Variants in TRPC6 observed in about 807,000 individuals in gnomAD.
TRPC6 encodes short transient receptor potential channel 6.
A neutral mutation model predicts 90.7 loss-of-function variants in TRPC6; 55 were observed. That is an observed-to-expected ratio of 0.61 (90% CI 0.49 to 0.76). The LOEUF is 0.76. Ranked by LOEUF, TRPC6 falls within the 30% of genes least tolerant of loss-of-function variation. The probability of loss-of-function intolerance (pLI) is 0.00; values close to 1 mark genes in which losing one functional copy is unlikely to be tolerated. For missense variants in TRPC6, 989 were observed against 1,122.7 expected (o/e 0.88, Z 1.70); for synonymous variants, 393 against 393.0 (o/e 1.00, Z 0.00).
intron 1 of TRPC6, among the ~76,000 whole-genome samples, chr11:101,510,958 G>C (rs1160099500): frequency 6.6e-6 from 1 of 152,110 alleles, no homozygotes; most frequent in Non-Finnish European, 1.5e-5. Flanking sequence ...ATATTTTAAA[G>C]CGCAATTCTA....
intron 1 of TRPC6, 84 bp from the exon 2 acceptor site, chr11:101,504,882 T>C: frequency 7.4e-6 from 11 of 1,493,514 alleles, no homozygotes; most frequent in Non-Finnish European, 1.0e-5. Flanking sequence ...TCTAATACAA[T>C]CCTCAAGTAT....
chr11:101,489,239 T>A, intron 3 of TRPC6, 138 bp from the exon 4 acceptor site: 1 of 821,160 alleles, frequency 1.2e-6, no homozygotes, highest in South Asian at 1.6e-5. Context: ...AACATCAAAT[T>A]AACAGGCAAC....
intron 1 of TRPC6, among the ~76,000 whole-genome samples, chr11:101,525,899 G>A (rs1002478508): frequency 6.6e-6 from 1 of 152,214 alleles, no homozygotes; most frequent in Non-Finnish European, 1.5e-5. Flanking sequence ...AGGAGGCATC[G>A]CCAGCAGGAA....
intron 1 of TRPC6, among the ~76,000 whole-genome samples, chr11:101,573,811 A>G (rs1232453158): frequency 6.6e-6 from 1 of 152,026 alleles, no homozygotes; most frequent in Non-Finnish European, 1.5e-5. Flanking sequence ...TCATCAGTGC[A>G]TGTGCCAACA....
chr11:101,467,035 C>T (rs1343991815), intron 10 of TRPC6, among the ~76,000 whole-genome samples: 1 of 152,196 alleles, frequency 6.6e-6, no homozygotes, highest in Non-Finnish European at 1.5e-5. Context: ...GTGGCCTGCA[C>T]CCACTGTCCA....
rs368115392 is a variant in TRPC6 at position 101,488,049 on chromosome 11, A to G, written c.1293+888T>C. 6.0e-4 allele frequency among the ~76,000 whole-genome samples: 91 copies of G among 152,338 alleles called. No homozygotes were observed. In the South Asian group the frequency reaches 0.018, roughly 30 times the overall value. ...ATCATGCCCATGTTTAAGCACTGGA[A>G]GTAACCCAACTGATAGTTCTTTCTA... On this transcript the variant is annotated intron_variant, in intron 4 of 12. Coordinates refer to ENST00000344327, the MANE Select transcript of TRPC6 (RefSeq NM_004621.6).
At chr11:101,488,789 A>G in intron 4 of TRPC6, 148 bp downstream of exon 4, 2 of 876,032 alleles carry the variant, frequency 2.3e-6, no homozygotes, top group Non-Finnish European at 3.5e-6. Flanking sequence ...TTTAAACCCA[A>G]ACAGGAATTA....
chr11:101,461,074 G>C (rs993346139), intron 10 of TRPC6, among the ~76,000 whole-genome samples: 3 of 152,052 alleles, frequency 2.0e-5, no homozygotes, highest in Non-Finnish European at 4.4e-5. Flanking sequence ...ATAGTGCTTG[G>C]TACACATGTT....
intron 1 of TRPC6, among the ~76,000 whole-genome samples, chr11:101,546,683 A>T (rs1400365852): frequency 6.6e-6 from 1 of 152,186 alleles, no homozygotes; most frequent in African/African-American, 2.4e-5. Flanking sequence ...CTATCATATC[A>T]TTTGGGAAGC....
At chr11:101,464,200 G>A (rs938506648) in intron 10 of TRPC6, among the ~76,000 whole-genome samples, 3 of 152,178 alleles carry the variant, frequency 2.0e-5, no homozygotes, top group Admixed American at 1.3e-4. Flanking sequence ...GCTGAGGAGT[G>A]TTTTACTTCC....
chr11:101,554,640 T>C (rs987494043), intron 1 of TRPC6, among the ~76,000 whole-genome samples: 1 of 152,104 alleles, frequency 6.6e-6, no homozygotes, highest in African/African-American at 2.4e-5. Flanking sequence ...AATCAAGTTA[T>C]AAGCCTCACT....
At chr11:101,505,495 G>A (rs1389434500) in intron 1 of TRPC6, among the ~76,000 whole-genome samples, 1 of 152,148 alleles carries the variant, frequency 6.6e-6, no homozygotes, top group Non-Finnish European at 1.5e-5. Flanking sequence ...GTGAGACAGG[G>A]GTTAGGTATA....
chr11:101,484,011 T>C (rs1404182098), intron 4 of TRPC6, among the ~76,000 whole-genome samples: 1 of 152,198 alleles, frequency 6.6e-6, no homozygotes, highest in Non-Finnish European at 1.5e-5. Flanking sequence ...ACTTAAGCTG[T>C]GTGTGCAGTT....
At chr11:101,468,657 A>G (rs908078110) in intron 10 of TRPC6, among the ~76,000 whole-genome samples, 6 of 152,182 alleles carry the variant, frequency 3.9e-5, no homozygotes, top group African/African-American at 1.4e-4. Context: ...GAATCTGACT[A>G]TGACAAAAAA....
At chr11:101,519,890 G>A (rs1444366385) in intron 1 of TRPC6, 1 of 152,834 alleles carries the variant, frequency 6.5e-6, no homozygotes, top group Non-Finnish European at 1.5e-5. Flanking sequence ...TTAACTCTCT[G>A]ACTCCCTCAC....
Position 101,527,812 on chromosome 11 carries a change from A to G in TRPC6, c.171-23014T>C, listed in dbSNP as rs560294621. ...TTGTCAGCCAGGCACAGTGGCTCAC[A>G]CCTGTAATCCCAGCACTTTGGGAGG... On this transcript the variant is annotated intron_variant, in intron 1 of 12. Coordinates refer to ENST00000344327, the MANE Select transcript of TRPC6 (RefSeq NM_004621.6). Among the ~76,000 whole-genome samples, 4 of 152,242 alleles carry G rather than the reference A, an allele frequency of 2.6e-5. No individual in the cohort carries two copies. The South Asian group carries it at 6.2e-4, about 24-fold the overall frequency.
chr11:101,575,439 G>A (rs2136896004), intron 1 of TRPC6, among the ~76,000 whole-genome samples: 1 of 152,282 alleles, frequency 6.6e-6, no homozygotes, highest in East Asian at 1.9e-4. Context: ...ACTGCTAGCT[G>A]TGTAGCATTT....
intron 1 of TRPC6, among the ~76,000 whole-genome samples, chr11:101,579,133 G>A (rs10895147): frequency 0.35 from 53,106 of 151,762 alleles, 10,109 homozygotes; most frequent in Non-Finnish European, 0.44. Flanking sequence ...TACTCTTAAC[G>A]ATGTTCATAC....
chr11:101,486,412 T>TCA (rs1859681677), intron 4 of TRPC6, among the ~76,000 whole-genome samples: 2 of 152,130 alleles, frequency 1.3e-5, no homozygotes, highest in African/African-American at 4.8e-5. Flanking sequence ...TTGAAATAAA[T>TCA]ACTTGTCTTT....
Sources: gnomAD v4.1 joint callset for allele counts (sites outside exome capture counted in the v4.1 genomes callset) on GRCh38, gnomAD v4.1.1 for gene constraint, MANE v1.5 for transcripts, NCBI Gene and HGNC (gene_info 2026-07-23, HGNC 2026-07-21) for gene names.